Variants in IL23R observed in about 807,000 individuals in gnomAD.
IL23R encodes interleukin 23 receptor, also known as interleukin-23 receptor.
A neutral mutation model predicts 56.9 loss-of-function variants in IL23R; 34 were observed. The ratio of observed to expected loss-of-function variants is 0.60; its 90% CI spans 0.45 to 0.80. The LOEUF (loss-of-function observed/expected upper bound fraction) is 0.80, where lower values mean the gene tolerates loss of function less well. Ranked by LOEUF, IL23R falls within the 30% of genes least tolerant of loss-of-function variation. The probability of loss-of-function intolerance (pLI) is 0.00; values close to 1 mark genes in which losing one functional copy is unlikely to be tolerated. For missense variants in IL23R, 635 were observed against 730.0 expected, an observed-to-expected ratio of 0.87 and a Z score of 1.50; for synonymous variants, 230 against 249.2, an observed-to-expected ratio of 0.92 and a Z score of 0.73.
chr1:67,206,237 C>T (rs938650024), intron 5 of IL23R, among the ~76,000 whole-genome samples: 2 of 152,106 alleles, frequency 1.3e-5, no homozygotes, highest in African/African-American at 4.8e-5. Context: ...TGGTCTCAAA[C>T]TCCTGACCTT....
At chr1:67,198,165 G>T (rs1648312890) in intron 4 of IL23R, among the ~76,000 whole-genome samples, 1 of 152,102 alleles carries the variant, frequency 6.6e-6, no homozygotes, top group African/African-American at 2.4e-5. Flanking sequence ...TTCATGAAGG[G>T]TCTGCCCCAC....
chr1:67,149,825 T>C (rs1375084917), intron 1 of IL23R, among the ~76,000 whole-genome samples: 2 of 152,172 alleles, frequency 1.3e-5, no homozygotes, highest in African/African-American at 4.8e-5. Flanking sequence ...ACAAGTTGAA[T>C]TTATTATCCT....
intron 9 of IL23R, among the ~76,000 whole-genome samples, chr1:67,242,810 A>G (rs548735573): frequency 1.3e-5 from 2 of 152,204 alleles, no homozygotes; most frequent in African/African-American, 4.8e-5. Flanking sequence ...ATCTACTATT[A>G]TAACATCAGT....
At chr1:67,161,584 C>G (rs1646820737), upstream of IL23R, among the ~76,000 whole-genome samples, 1 of 150,954 alleles carries the variant, frequency 6.6e-6, no homozygotes, top group East Asian at 1.9e-4. Context: ...CTACGTACTC[C>G]CTTGCATATT....
intron 1 of IL23R, among the ~76,000 whole-genome samples, chr1:67,160,669 C>G (rs946203437): frequency 6.6e-6 from 1 of 152,096 alleles, no homozygotes; most frequent in Non-Finnish European, 1.5e-5. Flanking sequence ...ATCATGTGAA[C>G]TCTATTCTTT....
At chr1:67,147,567 G>T (rs991380259) in intron 1 of IL23R, among the ~76,000 whole-genome samples, 2 of 151,988 alleles carry the variant, frequency 1.3e-5, no homozygotes, top group African/African-American at 4.8e-5. Flanking sequence ...AGGCGTGTTG[G>T]CAGGCACCTG....
chr1:67,242,517 C>T (rs532375253), intron 9 of IL23R, among the ~76,000 whole-genome samples: 178 of 152,218 alleles, frequency 1.2e-3, no homozygotes, highest in African/African-American at 3.9e-3. Flanking sequence ...ACATTAAGGA[C>T]GCTGTCTTCT....
chr1:67,257,286 G>A (rs1653002017), intron 10 of IL23R, among the ~76,000 whole-genome samples: 2 of 152,136 alleles, frequency 1.3e-5, no homozygotes, highest in Admixed American at 1.3e-4. Context: ...CTGGAGGCTG[G>A]GAAGTCCATG....
downstream of IL23R, among the ~76,000 whole-genome samples, chr1:67,261,834 T>C (rs1399979886): frequency 6.6e-6 from 1 of 152,238 alleles, no homozygotes; most frequent in East Asian, 1.9e-4. Context: ...TTGTTTGATC[T>C]TCTGCAAATG....
intron 4 of IL23R, among the ~76,000 whole-genome samples, chr1:67,188,066 T>G (rs777813009): frequency 4.0e-5 from 6 of 151,814 alleles, no homozygotes; most frequent in Non-Finnish European, 7.4e-5. Context: ...AACAAAAAAA[T>G]AAAAGAAAAA....
At chr1:67,263,302 A>G (rs1316209001), downstream of IL23R, among the ~76,000 whole-genome samples, 1 of 151,684 alleles carries the variant, frequency 6.6e-6, no homozygotes, top group South Asian at 2.1e-4. Flanking sequence ...CCAGGCCTGG[A>G]CTCAAACTCC....
intron 5 of IL23R, among the ~76,000 whole-genome samples, chr1:67,205,919 C>CTTTCTTTCTTTTTCT (rs763929985): frequency 2.6e-5 from 3 of 117,372 alleles, no homozygotes; most frequent in Non-Finnish European, 5.6e-5. Flanking sequence ...TTCTTTCTTT[C>CTTTCTTTCTTTTTCT]TTTCTTTTTC....
intron 1 of IL23R, among the ~76,000 whole-genome samples, chr1:67,148,929 A>G (rs1646705305): frequency 6.6e-6 from 1 of 152,168 alleles, no homozygotes; most frequent in South Asian, 2.1e-4. Flanking sequence ...ATTCCACTAG[A>G]ATGGAGTACA....
chr1:67,262,652 T>A (rs1653229082), downstream of IL23R, among the ~76,000 whole-genome samples: 1 of 152,218 alleles, frequency 6.6e-6, no homozygotes, highest in African/African-American at 2.4e-5. Flanking sequence ...GCCAGAATTT[T>A]CTGCAGATTC....
At chr1:67,202,731 C>A (rs1305705742) in intron 5 of IL23R, among the ~76,000 whole-genome samples, 6 of 152,084 alleles carry the variant, frequency 3.9e-5, no homozygotes. Flanking sequence ...GGCCACAGTG[C>A]CTGGCTAATT....
At position 67,218,348 on chromosome 1, in the gene IL23R, G is replaced by GTATA. The variant is rs1472585876; in HGVS notation, c.799-1225_799-1224insATAT. ...CATATGTGTGTGTGTGTGTGTGTGT[G>GTATA]TGTGTGTGTGTATATATATATATAT... On this transcript the variant is annotated intron_variant, in intron 6 of 10. Coordinates refer to ENST00000347310, the MANE Select transcript of IL23R (RefSeq NM_144701.3). Among the ~76,000 whole-genome samples the GTATA allele has an allele frequency of 6.9e-3, 976 of 142,266 alleles. 10 individuals carry two copies. Among genetic ancestry groups the GTATA allele is most frequent in the African/African-American group, 0.025 (925 of 37,328 alleles). 93.3% of individuals were successfully genotyped at this position (142,266 alleles called of 152,430 possible).
At chr1:67,243,392 G>A (rs953035726) in intron 9 of IL23R, among the ~76,000 whole-genome samples, 4 of 152,066 alleles carry the variant, frequency 2.6e-5, no homozygotes. Flanking sequence ...CATGTGCCAT[G>A]GTGGTTTGCT....
upstream of IL23R, among the ~76,000 whole-genome samples, chr1:67,162,663 G>C (rs1646833084): frequency 6.6e-6 from 1 of 152,148 alleles, no homozygotes; most frequent in Non-Finnish European, 1.5e-5. Context: ...ACAGGAAAAG[G>C]CTTAAAGTCT....
chr1:67,258,058 C>A (rs992793883), intron 10 of IL23R, among the ~76,000 whole-genome samples: 1 of 152,050 alleles, frequency 6.6e-6, no homozygotes, highest in Non-Finnish European at 1.5e-5. Context: ...ATAGGATTCT[C>A]CCCAACCTTT....
Sources: allele counts gnomAD v4.1 joint callset (sites outside exome capture counted in the v4.1 genomes callset), GRCh38; gene constraint gnomAD v4.1.1; transcripts MANE v1.5; gene names NCBI Gene and HGNC (gene_info 2026-07-23, HGNC 2026-07-21).